The following ANK2 variants were observed in gnomAD, a reference collection of about 807,000 sequenced individuals.
The protein encoded by ANK2 is ankyrin-2.
In ANK2, 83 loss-of-function variants were observed where a neutral mutation model predicts 360.5. That is an observed-to-expected ratio of 0.23 (90% CI 0.19 to 0.28). The LOEUF (loss-of-function observed/expected upper bound fraction) is 0.28, where lower values mean the gene tolerates loss of function less well. Ranked by LOEUF, ANK2 falls within the 10% of genes least tolerant of loss-of-function variation. The pLI is 1.00. For synonymous variants in ANK2, 1,740 were observed against 1,759.5 expected (o/e 0.99, Z 0.28); for missense variants, 4,201 against 4,795.7 (o/e 0.88, Z 3.66).
At chr4:113,031,828 T>C (rs1348826376) in intron 2 of ANK2, among the ~76,000 whole-genome samples, 3 of 152,030 alleles carry the variant, frequency 2.0e-5, no homozygotes, top group African/African-American at 7.2e-5. Context: ...ATTCTTAATA[T>C]CAAATGCAAG....
At position 113,253,859 on chromosome 4, in the gene ANK2, A is replaced by G. The variant is rs535550684; in HGVS notation, c.991-1876A>G. On this transcript the variant is annotated intron_variant, in intron 10 of 45. Coordinates refer to ENST00000357077, the MANE Select transcript of ANK2 (RefSeq NM_001148.6). ...ATCCTGTTGCCCTAAACCTTCCAAC[A>G]GCACCCCATGTCTCTCTGAGTAAAA... Among the ~76,000 whole-genome samples the G allele has an allele frequency of 2.6e-5, 4 of 152,184 alleles. No homozygotes were observed. In the South Asian group the frequency reaches 8.3e-4, roughly 32 times the overall value.
chr4:113,332,527 A>G (rs1218651440), intron 28 of ANK2, among the ~76,000 whole-genome samples: 1 of 152,240 alleles, frequency 6.6e-6, no homozygotes, highest in Non-Finnish European at 1.5e-5. Context: ...TTAGGGCCAC[A>G]CTGTGTACAC....
At chr4:112,719,270 A>G in the ANK2 span, among the ~76,000 whole-genome samples, 1 of 152,152 alleles carries the variant, frequency 6.6e-6, no homozygotes, top group Non-Finnish European at 1.5e-5. Flanking sequence ...GTGTCCTTAA[A>G]CAGTGCATGT....
chr4:113,331,968 T>C lies in ANK2; in HGVS notation c.3126-4T>C. The C allele has an allele frequency of 1.2e-6, 2 of 1,612,274 alleles. No individual in the cohort carries two copies. Among genetic ancestry groups the C allele is most frequent in the South Asian group, 2.2e-5 (2 of 91,028 alleles). On this transcript the variant is annotated splice_region_variant and splice_polypyrimidine_tract_variant and intron_variant, in intron 27 of 45. Transcript: ENST00000357077. ...TCTTTCACTGCTGCTTTGGATGTACTCAGTAAACTTCACCTGCCAACGGCT... is the reference window on the plus strand; with the variant it reads ...TCTTTCACTGCTGCTTTGGATGTACCCAGTAAACTTCACCTGCCAACGGCT...
chr4:112,871,243 T>A (rs1202039516), intron 1 of ANK2, among the ~76,000 whole-genome samples: 1 of 152,054 alleles, frequency 6.6e-6, no homozygotes, highest in East Asian at 1.9e-4. Flanking sequence ...TGGAGTGCAG[T>A]GGCACCATCT....
chr4:113,299,351 T>A (rs962085172), intron 22 of ANK2, among the ~76,000 whole-genome samples: 3 of 152,230 alleles, frequency 2.0e-5, no homozygotes, highest in Non-Finnish European at 4.4e-5. Flanking sequence ...CTGCAAAAAT[T>A]AACTTTCTAA....
intron 1 of ANK2, among the ~76,000 whole-genome samples, chr4:113,118,726 G>C (rs2095094790): frequency 6.6e-6 from 1 of 152,168 alleles, no homozygotes; most frequent in Non-Finnish European, 1.5e-5. Context: ...TAGCCATTTT[G>C]TGGAGGTCGA....
intron 1 of ANK2, among the ~76,000 whole-genome samples, chr4:113,162,558 T>C (rs1211937279): frequency 1.3e-5 from 2 of 152,150 alleles, no homozygotes; most frequent in Non-Finnish European, 2.9e-5. Context: ...ACCTGACTTA[T>C]CAGCAGGAAC....
intron 2 of ANK2, among the ~76,000 whole-genome samples, chr4:113,039,620 C>T (rs887587629): frequency 3.3e-5 from 5 of 151,624 alleles, no homozygotes; most frequent in South Asian, 2.1e-4. Context: ...TCATTTTAGC[C>T]GAAAGACACC....
chr4:113,176,902 T>G (rs1165251493), intron 2 of ANK2, among the ~76,000 whole-genome samples: 1 of 152,148 alleles, frequency 6.6e-6, no homozygotes, highest in East Asian at 1.9e-4. Context: ...GTCCTTGAGA[T>G]AGTTTGCTGA....
intron 1 of ANK2, among the ~76,000 whole-genome samples, chr4:113,164,655 T>A (rs2097688548): frequency 6.6e-6 from 1 of 152,198 alleles, no homozygotes; most frequent in Non-Finnish European, 1.5e-5. Flanking sequence ...ATTAACACTA[T>A]AAGATGCGGA....
chr4:113,081,059 A>C (rs1372121980), intron 1 of ANK2, among the ~76,000 whole-genome samples: 2 of 152,240 alleles, frequency 1.3e-5, no homozygotes, highest in Admixed American at 1.3e-4. Context: ...CATTACTTAC[A>C]AAATATGTAT....
intron 1 of ANK2, among the ~76,000 whole-genome samples, chr4:112,882,904 A>G (rs903812520): frequency 1.3e-5 from 2 of 151,384 alleles, no homozygotes; most frequent in Non-Finnish European, 2.9e-5. Context: ...ATTGGAGTGC[A>G]CACTATGTCA....
At chr4:113,175,858 G>A (rs1175312279) in intron 2 of ANK2, among the ~76,000 whole-genome samples, 1 of 152,186 alleles carries the variant, frequency 6.6e-6, no homozygotes, top group East Asian at 1.9e-4. Flanking sequence ...TATTTTAGGG[G>A]AGTGTGTCTC....
intron 1 of ANK2, among the ~76,000 whole-genome samples, chr4:112,854,440 G>A (rs1337013230): frequency 1.3e-5 from 2 of 152,188 alleles, no homozygotes; most frequent in Non-Finnish European, 2.9e-5. Context: ...GACATGCTGT[G>A]GTGATATGAT....
chr4:113,251,513 C>T (rs558909337), intron 10 of ANK2, among the ~76,000 whole-genome samples: 3 of 126,586 alleles, frequency 2.4e-5, no homozygotes, highest in East Asian at 2.3e-4. Context: ...GATGCAGTCT[C>T]GCTCTGTCGC....
At chr4:112,778,668 T>A in the ANK2 span, among the ~76,000 whole-genome samples, 2 of 152,166 alleles carry the variant, frequency 1.3e-5, no homozygotes, top group African/African-American at 4.8e-5. Context: ...GTAATAATGG[T>A]GTCAATTCGA....
chr4:113,095,568 A>G (rs538544132), intron 1 of ANK2, among the ~76,000 whole-genome samples: 4 of 152,206 alleles, frequency 2.6e-5, no homozygotes, highest in African/African-American at 9.6e-5. Flanking sequence ...CTTTCTTTCT[A>G]TTATTCTATT....
At chr4:112,885,380 TC>T (rs2078000383) in intron 1 of ANK2, among the ~76,000 whole-genome samples, 1 of 151,216 alleles carries the variant, frequency 6.6e-6, no homozygotes, top group African/African-American at 2.4e-5. Context: ...GCGCCTGTAA[TC>T]CCAGTTACTC....
Sources: gnomAD v4.1 joint callset for allele counts (sites outside exome capture counted in the v4.1 genomes callset) on GRCh38, gnomAD v4.1.1 for gene constraint, MANE v1.5 for transcripts, NCBI Gene and HGNC (gene_info 2026-07-23, HGNC 2026-07-21) for gene names.